Variants in FAM13A observed in about 807,000 individuals in gnomAD.
The protein encoded by FAM13A is protein FAM13A.
FAM13A carries 76 observed loss-of-function variants against 129.6 expected under a neutral mutation model. The observed-to-expected ratio is 0.59, with a 90% CI of 0.49 to 0.71. FAM13A has a LOEUF of 0.71. Ranked by LOEUF, FAM13A falls within the 30% of genes least tolerant of loss-of-function variation. The pLI, the probability that FAM13A is intolerant of heterozygous loss-of-function variation, is 0.00. For missense variants in FAM13A, 1,108 were observed against 1,249.3 expected (o/e 0.89, Z 1.70); for synonymous variants, 443 against 449.9 (o/e 0.98, Z 0.20).
At chr4:88,836,243 A>C (rs377316090) in intron 7 of FAM13A, among the ~76,000 whole-genome samples, 1 of 152,206 alleles carries the variant, frequency 6.6e-6, no homozygotes, top group Admixed American at 6.5e-5. Flanking sequence ...TTATATATAC[A>C]TTACCACAAT....
chr4:88,951,519 C>T (rs1174120361), intron 4 of FAM13A, among the ~76,000 whole-genome samples: 1 of 152,062 alleles, frequency 6.6e-6, no homozygotes, highest in Non-Finnish European at 1.5e-5. Flanking sequence ...TTTATGTTTA[C>T]CAAAGGTGAT....
At chr4:88,927,296 T>G (rs1752356306) in intron 5 of FAM13A, among the ~76,000 whole-genome samples, 2 of 152,068 alleles carry the variant, frequency 1.3e-5, no homozygotes, top group Non-Finnish European at 2.9e-5. Context: ...GCTACTGATT[T>G]CTGTACATCA....
chr4:88,874,365 T>A (rs1023670179), intron 6 of FAM13A, among the ~76,000 whole-genome samples: 1 of 152,204 alleles, frequency 6.6e-6, no homozygotes, highest in Non-Finnish European at 1.5e-5. Context: ...TGTTTGCAGA[T>A]GACATGATTG....
intron 4 of FAM13A, among the ~76,000 whole-genome samples, chr4:88,980,065 G>A (rs972463795): frequency 3.9e-5 from 6 of 152,170 alleles, no homozygotes; most frequent in East Asian, 1.9e-4. Flanking sequence ...CTATGCTGTC[G>A]TTAAAAATGA....
At chr4:89,038,704 TA>T (rs1007349152) in intron 1 of FAM13A, among the ~76,000 whole-genome samples, 5 of 152,072 alleles carry the variant, frequency 3.3e-5, no homozygotes, top group Non-Finnish European at 5.9e-5. Flanking sequence ...CAGAAAGGGG[TA>T]AAAAAGTTAA....
intron 16 of FAM13A, among the ~76,000 whole-genome samples, 191 bp from the exon 17 acceptor site, chr4:88,749,224 A>G (rs1472767725): frequency 6.6e-6 from 1 of 152,204 alleles, no homozygotes; most frequent in African/African-American, 2.4e-5. Context: ...GGTTATTGTG[A>G]TGCTTTCAAA....
chr4:88,743,291 G>A (rs953686694), intron 19 of FAM13A, among the ~76,000 whole-genome samples: 2 of 152,194 alleles, frequency 1.3e-5, no homozygotes, highest in African/African-American at 4.8e-5. Flanking sequence ...TGATTAGGCA[G>A]CTGCATTTGT....
At chr4:89,042,618 A>G (rs535159262) in intron 1 of FAM13A, among the ~76,000 whole-genome samples, 1 of 152,346 alleles carries the variant, frequency 6.6e-6, no homozygotes, top group East Asian at 1.9e-4. Context: ...TACATAAAAT[A>G]TAATTGTTCT....
intron 4 of FAM13A, among the ~76,000 whole-genome samples, chr4:88,942,556 G>C (rs1448603470): frequency 6.7e-6 from 1 of 149,344 alleles, no homozygotes; most frequent in Non-Finnish European, 1.5e-5. Flanking sequence ...AACAGAGCAA[G>C]ACTCCATCTC....
At chr4:88,954,775 A>T (rs1006151379) in intron 4 of FAM13A, among the ~76,000 whole-genome samples, 4 of 151,716 alleles carry the variant, frequency 2.6e-5, no homozygotes, top group Admixed American at 2.6e-4. Context: ...AATCACAGCT[A>T]CTCAGGAGGC....
chr4:88,872,535 AAAG>A (rs1741603473), intron 6 of FAM13A, among the ~76,000 whole-genome samples: 1 of 152,262 alleles, frequency 6.6e-6, no homozygotes, highest in South Asian at 2.1e-4. Flanking sequence ...CAAAAGAGAC[AAAG>A]AAGGCCATTA....
chr4:88,891,196 G>A (rs2150163728), intron 6 of FAM13A, among the ~76,000 whole-genome samples: 1 of 152,346 alleles, frequency 6.6e-6, no homozygotes, highest in Non-Finnish European at 1.5e-5. Flanking sequence ...GCTGAGGCAG[G>A]TGGATCGCTT....
intron 5 of FAM13A, among the ~76,000 whole-genome samples, chr4:88,923,674 C>T (rs1374183630): frequency 6.6e-6 from 1 of 152,124 alleles, no homozygotes; most frequent in Non-Finnish European, 1.5e-5. Context: ...ACCACTCCTA[C>T]TCAACTCAGT....
intron 5 of FAM13A, among the ~76,000 whole-genome samples, chr4:88,928,950 TC>T (rs1338805306): frequency 3.9e-5 from 6 of 152,188 alleles, no homozygotes; most frequent in Non-Finnish European, 8.8e-5. Context: ...TCTTCTCTCT[TC>T]CTCCTTTCTG....
At chr4:88,947,783 C>A (rs900558088) in intron 4 of FAM13A, among the ~76,000 whole-genome samples, 1 of 151,890 alleles carries the variant, frequency 6.6e-6, no homozygotes. Context: ...ATGCAGCTAA[C>A]TGAGATCTTT....
intron 6 of FAM13A, among the ~76,000 whole-genome samples, chr4:88,864,827 C>T (rs535010454): frequency 8.9e-4 from 136 of 152,302 alleles, no homozygotes; most frequent in African/African-American, 3.1e-3. Context: ...CTCTGTCATT[C>T]GTAAGTGTAA....
At chr4:88,847,468 T>C (rs1303391594) in intron 7 of FAM13A, among the ~76,000 whole-genome samples, 1 of 152,244 alleles carries the variant, frequency 6.6e-6, no homozygotes, top group Non-Finnish European at 1.5e-5. Context: ...GGATAATATA[T>C]GCCAACCAGA....
intron 6 of FAM13A, among the ~76,000 whole-genome samples, chr4:88,887,892 C>A (rs1047200451): frequency 4.6e-5 from 7 of 152,046 alleles, no homozygotes; most frequent in Non-Finnish European, 4.4e-5. Flanking sequence ...ATAAATTTCC[C>A]TTTATTCTTT....
At chr4:89,005,661 G>A (rs778936224) in intron 3 of FAM13A, among the ~76,000 whole-genome samples, 5 of 152,160 alleles carry the variant, frequency 3.3e-5, no homozygotes, top group Non-Finnish European at 5.9e-5. Context: ...TTTCTCTAAT[G>A]ATCAGTGATG....
Sources: allele counts gnomAD v4.1 joint callset (sites outside exome capture counted in the v4.1 genomes callset), GRCh38; gene constraint gnomAD v4.1.1; transcripts MANE v1.5; gene names NCBI Gene and HGNC (gene_info 2026-07-23, HGNC 2026-07-21).